Variants in BEND7 observed in about 807,000 individuals in gnomAD.
BEND7 encodes the protein BEN domain containing 7, also known as BEN domain-containing protein 7.
In BEND7, 28 loss-of-function variants were observed where a neutral mutation model predicts 50.9. The observed-to-expected ratio is 0.55, with a 90% CI of 0.41 to 0.75. The LOEUF (loss-of-function observed/expected upper bound fraction) is 0.75, where lower values mean the gene tolerates loss of function less well. Among genes scored for constraint, BEND7 ranks in the 30% least tolerant of loss-of-function variants. BEND7 has a pLI of 0.00. For missense variants in BEND7, 477 were observed against 491.3 expected (o/e 0.97, Z 0.28); for synonymous variants, 170 against 183.9 (o/e 0.92, Z 0.61).
At chr10:13,488,949 C>T (rs1321826358) in intron 5 of BEND7, among the ~76,000 whole-genome samples, 9 of 152,164 alleles carry the variant, frequency 5.9e-5, no homozygotes, top group South Asian at 4.2e-4. Context: ...TATTTGTTCA[C>T]GTGTATTTTT....
intron 2 of BEND7, among the ~76,000 whole-genome samples, chr10:13,505,930 C>A (rs931520995): frequency 1.3e-5 from 2 of 152,066 alleles, no homozygotes; most frequent in Non-Finnish European, 2.9e-5. Context: ...GTCCAGAACG[C>A]AACACTAAGA....
chr10:13,484,225 G>C (rs559999345), intron 5 of BEND7, among the ~76,000 whole-genome samples: 14 of 152,304 alleles, frequency 9.2e-5, no homozygotes, highest in Middle Eastern at 6.8e-3. Context: ...TCTAAGCCAG[G>C]AGTGAACAAG....
intron 5 of BEND7, among the ~76,000 whole-genome samples, chr10:13,488,637 G>A (rs1420191976): frequency 8.5e-5 from 13 of 152,262 alleles, no homozygotes; most frequent in East Asian, 1.9e-4. Context: ...ACAGGCATGC[G>A]CCACTGCGCC....
At chr10:13,495,709 T>C (rs1489655531) in intron 4 of BEND7, among the ~76,000 whole-genome samples, 1 of 152,258 alleles carries the variant, frequency 6.6e-6, no homozygotes, top group East Asian at 1.9e-4. Flanking sequence ...ATTACTTTAA[T>C]GTGATCTTGG....
At chr10:13,527,879 C>G (rs2079532029) in intron 1 of BEND7, 3 of 978,406 alleles carry the variant, frequency 3.1e-6, no homozygotes, top group Non-Finnish European at 3.6e-6. Context: ...GATTTCTTTT[C>G]TTTCTTTTCT....
At chr10:13,467,064 C>T (rs575421155) in intron 6 of BEND7, among the ~76,000 whole-genome samples, 3 of 152,204 alleles carry the variant, frequency 2.0e-5, no homozygotes, top group South Asian at 2.1e-4. Context: ...CCGTGGACAC[C>T]GGGGGAAGAT....
chr10:13,527,867 T>C, intron 1 of BEND7: 1 of 982,798 alleles, frequency 1.0e-6, no homozygotes, highest in Non-Finnish European at 1.2e-6. Flanking sequence ...AGAAACTAGA[T>C]GGATTTCTTT....
At chr10:13,444,826 T>C (rs943380463) in intron 8 of BEND7, 1 of 152,250 alleles carries the variant, frequency 6.6e-6, no homozygotes, top group African/African-American at 2.4e-5. Flanking sequence ...TTTTCCTTCT[T>C]TTTTTTGAGA....
At chr10:13,500,635 G>A (rs2077374083) in intron 2 of BEND7, 1 of 986,282 alleles carries the variant, frequency 1.0e-6, no homozygotes, top group Non-Finnish European at 1.2e-6. Flanking sequence ...CTTCACTGCT[G>A]ACACAATGTC....
At chr10:13,447,408 G>C (rs573007721) in intron 7 of BEND7, 92 bp from the exon 8 acceptor site, 4 of 1,291,828 alleles carry the variant, frequency 3.1e-6, no homozygotes, top group African/African-American at 1.5e-5. Context: ...AAAAACTCCA[G>C]TATACATAAC....
chr10:13,494,707 T>G (rs2076914842), intron 4 of BEND7, among the ~76,000 whole-genome samples: 1 of 152,230 alleles, frequency 6.6e-6, no homozygotes, highest in African/African-American at 2.4e-5. Context: ...TGAAAATGTT[T>G]TGGTTTAAGG....
chr10:13,452,528 C>CT lies in BEND7; in HGVS notation c.1183+10dup, dbSNP rs546563941. On this transcript the variant is annotated intron_variant, in intron 7 of 8. Transcript: ENST00000466271. Reference sequence around the variant, plus strand: ...TGCTTCTCCAATTATTTTTCTGCACCTTAGTCATACCTGAGCCTCTTTTTA... The same window carrying CT: ...TGCTTCTCCAATTATTTTTCTGCACCTTTAGTCATACCTGAGCCTCTTTTTA... 139 of 1,597,176 alleles carry CT rather than the reference C, an allele frequency of 8.7e-5. 1 individual carries two copies. The South Asian group carries it at 1.4e-3, about 16-fold the overall frequency.
At chr10:13,474,518 C>T (rs12265511) in intron 6 of BEND7, among the ~76,000 whole-genome samples, 6,007 of 150,408 alleles carry the variant, frequency 0.04, 511 homozygotes, top group African/African-American at 0.13. Context: ...CTGTTGGACT[C>T]GGGTCGATAC....
At chr10:13,439,496 A>C (rs1251569211), downstream of BEND7, 3 of 1,590,930 alleles carry the variant, frequency 1.9e-6, no homozygotes, top group African/African-American at 4.0e-5. Context: ...CACCACAAGC[A>C]CCTGTGGAAT....
chr10:13,470,485 G>C lies in BEND7; in HGVS notation c.1063+10414C>G, dbSNP rs77743350. On this transcript the variant is annotated intron_variant, in intron 6 of 8. Transcript: ENST00000466271. Reference sequence around the variant, plus strand: ...AAGAATTCAGTAACGGGGAGTTGGAGTGGAATCCTTGCAAGTGAATCCACA... The same window carrying C: ...AAGAATTCAGTAACGGGGAGTTGGACTGGAATCCTTGCAAGTGAATCCACA... Among the ~76,000 whole-genome samples, 1,357 of 152,310 alleles carry C rather than the reference G, an allele frequency of 8.9e-3. 12 individuals carry two copies. Among genetic ancestry groups the C allele is most frequent in the African/African-American group, 0.031 (1,281 of 41,560 alleles).
In BEND7 at chr10:13,517,296, G is replaced by T. The variant is rs556649046; in HGVS notation, c.145+8842C>A. Among the ~76,000 whole-genome samples the T allele has an allele frequency of 1.2e-4, 19 of 152,004 alleles. 1 individual carries two copies. The highest frequency in any genetic ancestry group is 1.0e-3 in the Admixed American group (16 of 15,274). On this transcript the variant is annotated intron_variant, in intron 2 of 8. Coordinates refer to ENST00000466271, the MANE Select transcript of BEND7 (RefSeq NM_001369863.1). ...AAGCATGTCAATGAGGTGAGGAAGT[G>T]CACAGCCTAAAACATAAGGAAGGAG...
chr10:13,500,222 C>CA, intron 2 of BEND7, 142 bp from the exon 3 acceptor site: 1 of 778,940 alleles, frequency 1.3e-6, no homozygotes. Flanking sequence ...CTGTAAAACG[C>CA]AAAGGCAGGA....
intron 7 of BEND7, among the ~76,000 whole-genome samples, chr10:13,451,053 G>A (rs1201793935): frequency 6.6e-6 from 1 of 151,988 alleles, no homozygotes; most frequent in Non-Finnish European, 1.5e-5. Flanking sequence ...GGAAACTAAG[G>A]TGTGTTTATG....
At chr10:13,504,666 A>G (rs1308190944) in intron 2 of BEND7, among the ~76,000 whole-genome samples, 1 of 152,236 alleles carries the variant, frequency 6.6e-6, no homozygotes, top group East Asian at 1.9e-4. Flanking sequence ...ACAGGATGCT[A>G]TAAGGAAACC....
Sources: allele counts gnomAD v4.1 joint callset (sites outside exome capture counted in the v4.1 genomes callset), GRCh38; gene constraint gnomAD v4.1.1; transcripts MANE v1.5; gene names NCBI Gene and HGNC (gene_info 2026-07-23, HGNC 2026-07-21).